ZBTB10: variants seen among roughly 807,000 people sequenced by gnomAD.
ZBTB10 encodes the protein zinc finger and BTB domain containing 10.
Under a neutral mutation model 76.4 loss-of-function variants are expected in ZBTB10, and 32 were observed. The observed-to-expected ratio is 0.42, with a 90% CI of 0.32 to 0.56. ZBTB10 has a LOEUF of 0.56. Ranked by LOEUF, ZBTB10 falls within the 20% of genes least tolerant of loss-of-function variation. The pLI is 0.14. For synonymous variants in ZBTB10, 523 were observed against 432.9 expected, an observed-to-expected ratio of 1.21 and a Z score of -2.58; for missense variants, 1,057 against 1,098.5, an observed-to-expected ratio of 0.96 and a Z score of 0.53.
intron 2 of ZBTB10, among the ~76,000 whole-genome samples, chr8:80,512,201 A>G (rs981740143): frequency 6.6e-5 from 10 of 152,192 alleles, no homozygotes; most frequent in Non-Finnish European, 1.2e-4. Context: ...CCTTACAGAG[A>G]AAAGAGAAGC....
In ZBTB10 at chr8:80,524,679, G is replaced by A. The variant is rs1371787256; in HGVS notation, c.*5151G>A. 2 of 152,026 alleles carry A rather than the reference G, an allele frequency of 1.3e-5. No homozygotes were observed. Among genetic ancestry groups the A allele is most frequent in the African/African-American group, 2.4e-5 (1 of 41,438 alleles). The allele number at this position is 152,026 out of a possible 1,614,324, so 9.4% of individuals were successfully genotyped here. A position where few individuals can be genotyped will look rare whatever the true frequency, so the allele number is the denominator to read the frequency against. On this transcript the variant is annotated 3_prime_UTR_variant, in exon 6 of 6. Transcript: ENST00000455036. Reference sequence around the variant, plus strand: ...AGGGGAGCCCACATAGCATTATAATGCCTAGTATCTTTAAACATGTAAAGA... The same window carrying A: ...AGGGGAGCCCACATAGCATTATAATACCTAGTATCTTTAAACATGTAAAGA...
chr8:80,494,489 C>T (rs1285450499), intron 1 of ZBTB10, among the ~76,000 whole-genome samples: 1 of 152,192 alleles, frequency 6.6e-6, no homozygotes, highest in Non-Finnish European at 1.5e-5. Flanking sequence ...TTCTCTCCCT[C>T]CACCCTTTAC....
intron 2 of ZBTB10, among the ~76,000 whole-genome samples, chr8:80,507,684 T>G (rs936229223): frequency 1.3e-5 from 2 of 152,112 alleles, no homozygotes; most frequent in Non-Finnish European, 1.5e-5. Context: ...CTCAAATCCC[T>G]GGGCTCAAGT....
rs775258917 is a variant in ZBTB10 at position 80,519,480 on chromosome 8, C to G, written c.2568C>G (p.Pro856=). The change falls in exon 6 of 6, where the codon CCC becomes CCG. Residue 856 remains proline, a synonymous_variant. Coordinates refer to ENST00000455036, the MANE Select transcript of ZBTB10 (RefSeq NM_001105539.3). ...ATGATGGAGAAGATCAGAATGATCCCTCTCGATGGGATGAATCAGGAGAAG... is the reference window on the plus strand; with the variant it reads ...ATGATGGAGAAGATCAGAATGATCCGTCTCGATGGGATGAATCAGGAGAAG... The part of the protein sequence containing the change: ...LVDDGEDQND[P]SRWDESGEVC... The G allele has an allele frequency of 6.2e-7, 1 of 1,612,018 alleles. No individual in the cohort carries two copies. Among genetic ancestry groups the G allele is most frequent in the Admixed American group, 1.7e-5 (1 of 59,748 alleles).
intron 1 of ZBTB10, among the ~76,000 whole-genome samples, chr8:80,492,638 T>C (rs113217759): frequency 0.013 from 2,035 of 151,996 alleles, 24 homozygotes; most frequent in Non-Finnish European, 0.022. Flanking sequence ...GCCACCATGC[T>C]AGGCTAATTT....
rs1816543418 is a variant in ZBTB10, at chr8:80,525,481, G to C, written c.*5953G>C. On this transcript the variant is annotated 3_prime_UTR_variant, in exon 6 of 6. Coordinates refer to ENST00000455036, the MANE Select transcript of ZBTB10 (RefSeq NM_001105539.3). ...TAAGTAGGTATGTGTTAGAATCTTG[G>C]TGAAAGATAAACACAAGACAGTCTT... 1 of 152,090 alleles carries C rather than the reference G, an allele frequency of 6.6e-6. No individual in the cohort carries two copies. The highest frequency in any genetic ancestry group is 2.1e-4 in the South Asian group (1 of 4,826). 9.4% of individuals were successfully genotyped at this position (152,090 alleles called of 1,614,324 possible).
intron 1 of ZBTB10, among the ~76,000 whole-genome samples, chr8:80,496,518 A>G (rs924242878): frequency 6.6e-6 from 1 of 152,178 alleles, no homozygotes; most frequent in Non-Finnish European, 1.5e-5. Flanking sequence ...GTAATGAGAA[A>G]AAAAAATAGT....
intron 2 of ZBTB10, among the ~76,000 whole-genome samples, chr8:80,504,690 G>A (rs1044392482): frequency 6.6e-6 from 1 of 152,108 alleles, no homozygotes; most frequent in African/African-American, 2.4e-5. Context: ...AAAACTGTCA[G>A]CAAAAACTAA....
intron 2 of ZBTB10, among the ~76,000 whole-genome samples, chr8:80,508,044 T>C (rs2131503406): frequency 1.3e-5 from 2 of 152,372 alleles, no homozygotes; most frequent in Admixed American, 1.3e-4. Context: ...TTTCCCCTTT[T>C]GCTGTGCTTA....
chr8:80,487,765 C>T lies in ZBTB10; in HGVS notation c.955C>T (p.His319Tyr), dbSNP rs779774242. 4 of 1,599,908 alleles carry T rather than the reference C, an allele frequency of 2.5e-6. No individual in the cohort carries two copies. The highest frequency in any genetic ancestry group is 1.7e-5 in the Admixed American group (1 of 58,378). The change falls in exon 1 of 6, where the codon CAC becomes TAC. Residue 319 changes from histidine to tyrosine, a missense_variant. By Grantham distance (83) the His-to-Tyr change is moderately conservative. Around this residue, in one of 5 missense-constraint regions of ZBTB10, gnomAD observed 556 missense variants for 451.7 expected, o/e 1.23. Transcript: ENST00000455036. ...CCACGTCTCTACCGAGCACAAACTC[C>T]ACGAAGCCAACGCCCAGGTACAGTA... ...RHHVSTEHKL[H>Y]EANAQESEIP... is the part of the protein sequence containing the mutation.
At chr8:80,509,562 C>G (rs1816139759) in intron 2 of ZBTB10, among the ~76,000 whole-genome samples, 1 of 152,070 alleles carries the variant, frequency 6.6e-6, no homozygotes, top group Non-Finnish European at 1.5e-5. Context: ...GGTTGCTAGC[C>G]CACCGTGATC....
At chr8:80,500,859 T>C (rs1443498427) in intron 2 of ZBTB10, among the ~76,000 whole-genome samples, 2 of 152,206 alleles carry the variant, frequency 1.3e-5, no homozygotes, top group East Asian at 1.9e-4. Flanking sequence ...CTAGTTTGTT[T>C]AGGGCTACTG....
intron 2 of ZBTB10, among the ~76,000 whole-genome samples, chr8:80,509,374 CAT>C (rs1381975295): frequency 6.6e-6 from 1 of 152,138 alleles, no homozygotes; most frequent in African/African-American, 2.4e-5. Flanking sequence ...GGTCTTGTCT[CAT>C]ATCTTTTCAA....
At position 80,486,641 on chromosome 8, in the gene ZBTB10, G is replaced by C. The variant is rs111871392; in HGVS notation, c.-170G>C. 9 of 988,410 alleles carry C rather than the reference G, an allele frequency of 9.1e-6. No homozygotes were observed. In the East Asian group the frequency reaches 4.5e-4, roughly 49 times the overall value. 61.2% of individuals were successfully genotyped at this position (988,410 alleles called of 1,614,324 possible). The stretch of plus-strand genomic sequence containing the variant: ...GCAGCGGACGCGTGCAGCAGACCCG[G>C]GAGCGAGCGCGAGCCGGGCTGCCGG... On this transcript the variant is annotated 5_prime_UTR_variant, in exon 1 of 6. Coordinates refer to ENST00000455036, the MANE Select transcript of ZBTB10 (RefSeq NM_001105539.3).
At chr8:80,491,223 ATAGAT>A (rs981101719) in intron 1 of ZBTB10, among the ~76,000 whole-genome samples, 1 of 152,106 alleles carries the variant, frequency 6.6e-6, no homozygotes, top group Non-Finnish European at 1.5e-5. Context: ...TCATGTTTAG[ATAGAT>A]TAGATACACA....
In ZBTB10 at chr8:80,492,454, T is replaced by C. The variant is rs572316922; in HGVS notation, c.972+4672T>C. 1.8e-4 allele frequency among the ~76,000 whole-genome samples: 27 copies of C among 152,246 alleles called. No homozygotes were observed. The East Asian group carries it at 4.8e-3, about 27-fold the overall frequency. On this transcript the variant is annotated intron_variant, in intron 1 of 5. Coordinates refer to ENST00000455036, the MANE Select transcript of ZBTB10 (RefSeq NM_001105539.3). Reference sequence around the variant, plus strand: ...CCGAAAAAAGACACAGATAACATGGTAGCAGTATATAATCAGGGTACATTG... The same window carrying C: ...CCGAAAAAAGACACAGATAACATGGCAGCAGTATATAATCAGGGTACATTG...
At chr8:80,488,816 AT>A (rs1255129062) in intron 1 of ZBTB10, among the ~76,000 whole-genome samples, 3 of 152,186 alleles carry the variant, frequency 2.0e-5, no homozygotes, top group Admixed American at 6.5e-5. Context: ...CCAGTCGTTG[AT>A]TTTATAAAGT....
At chr8:80,485,985 G>C (rs1293279391), upstream of ZBTB10, 7 of 1,195,704 alleles carry the variant, frequency 5.9e-6, no homozygotes, top group East Asian at 2.8e-5. Context: ...CCCTCCCTGA[G>C]ACCCCCAGCC....
At chr8:80,490,559 C>T (rs1230135010) in intron 1 of ZBTB10, among the ~76,000 whole-genome samples, 1 of 152,124 alleles carries the variant, frequency 6.6e-6, no homozygotes, top group Non-Finnish European at 1.5e-5. Flanking sequence ...TTTTGATCAC[C>T]AATCAGTTCT....
Sources: allele counts gnomAD v4.1 joint callset (sites outside exome capture counted in the v4.1 genomes callset), GRCh38; gene constraint gnomAD v4.1.1; regional missense constraint gnomAD v4.1.1; transcripts MANE v1.5; gene names NCBI Gene and HGNC (gene_info 2026-07-23, HGNC 2026-07-21).